The following SLC5A4 variants were observed in gnomAD, a reference collection of about 807,000 sequenced individuals.
The protein encoded by SLC5A4 is solute carrier family 5 member 4, also known as probable glucose sensor protein SLC5A4.
SLC5A4 carries 55 observed loss-of-function variants against 70.3 expected under a neutral mutation model. That is an observed-to-expected ratio of 0.78 (90% CI 0.63 to 0.98). SLC5A4 has a LOEUF of 0.98. Ranked by LOEUF, SLC5A4 falls within the 50% of genes least tolerant of loss-of-function variation. SLC5A4 has a pLI of 0.00. For missense variants in SLC5A4, 735 were observed against 839.2 expected, an observed-to-expected ratio of 0.88 and a Z score of 1.53; for synonymous variants, 268 against 305.7, an observed-to-expected ratio of 0.88 and a Z score of 1.29.
chr22:32,262,779 T>TTTTTA, the SLC5A4 span, among the ~76,000 whole-genome samples: 244 of 144,282 alleles, frequency 1.7e-3, no homozygotes, highest in African/African-American at 6.5e-3. Flanking sequence ...TTTATTTTTA[T>TTTTTA]TTTTTTTTGA....
At chr22:32,256,547 A>C (rs1311646820), upstream of SLC5A4, among the ~76,000 whole-genome samples, 1 of 152,124 alleles carries the variant, frequency 6.6e-6, no homozygotes, top group Non-Finnish European at 1.5e-5. Flanking sequence ...CTCCAAACAG[A>C]AGTATGTACC....
At chr22:32,312,358 C>G in the SLC5A4 span, among the ~76,000 whole-genome samples, 1 of 91,208 alleles carries the variant, frequency 1.1e-5, no homozygotes, top group Non-Finnish European at 2.2e-5. Context: ...AAATCACACG[C>G]GCGCGCGCAC....
In SLC5A4 at chr22:32,220,945, T is replaced by C. The variant is rs760462524; in HGVS notation, c.1743A>G (p.Glu581=). ...IDIDAEEKSQ[E]ETDDGVEEDY... is the part of the protein sequence containing the mutation. ...CTTCTTCAACACCATCATCTGTTTC[T>C]TCCTGACTTTTCTCTTCTGCATCTA... Residue 581 remains glutamate (E), a synonymous_variant, in exon 14 of 15, where the codon GAA becomes GAG. Coordinates refer to ENST00000266086, the MANE Select transcript of SLC5A4 (RefSeq NM_014227.3). 2.4e-5 allele frequency: 38 copies of C among 1,613,310 alleles called. No individual in the cohort carries two copies. In the Middle Eastern group the frequency reaches 4.9e-4, roughly 21 times the overall value.
At chr22:32,314,852 T>G in the SLC5A4 span, among the ~76,000 whole-genome samples, 1 of 151,966 alleles carries the variant, frequency 6.6e-6, no homozygotes, top group Admixed American at 6.6e-5. Context: ...TGCAGGAAAA[T>G]TCCCATCAGA....
At chr22:32,316,037 T>G in the SLC5A4 span, among the ~76,000 whole-genome samples, 2 of 142,114 alleles carry the variant, frequency 1.4e-5, no homozygotes, top group East Asian at 4.1e-4. Flanking sequence ...GGCATGGTGG[T>G]GGGTGCATGC....
Position 32,251,805 on chromosome 22 carries a change from C to G in SLC5A4, c.277G>C (p.Ala93Pro), listed in dbSNP as rs748738338. Reference protein sequence around the residue: ...HYVGLAGTGAASGVATVTFEW... With the variant: ...HYVGLAGTGAPSGVATVTFEW... ...AATGTTACGGTGGCGACTCCTGAAG[C>G]TGCTCCTGTCCCAGCCAGCCCCACA... Residue 93 changes from alanine (A) to proline (P), a missense_variant, in exon 3 of 15, where the codon GCT (alanine) becomes CCT (proline). By Grantham distance (27) the Ala-to-Pro change is conservative. Transcript: ENST00000266086. The G allele has an allele frequency of 1.2e-6, 2 of 1,613,872 alleles. No individual in the cohort carries two copies. Among genetic ancestry groups the G allele is most frequent in the South Asian group, 1.1e-5 (1 of 91,074 alleles).
the SLC5A4 span, among the ~76,000 whole-genome samples, chr22:32,290,286 C>T: frequency 4.0e-5 from 6 of 151,872 alleles, no homozygotes; most frequent in African/African-American, 1.2e-4. Context: ...GTGTGATGTT[C>T]CCCTCCCTGT....
the SLC5A4 span, chr22:32,272,343 G>A: frequency 2.4e-6 from 2 of 840,468 alleles, no homozygotes; most frequent in South Asian, 2.8e-5. Flanking sequence ...AAGGCCACCT[G>A]GTGTCGGCCA....
chr22:32,269,041 T>C, the SLC5A4 span, among the ~76,000 whole-genome samples: 6 of 152,188 alleles, frequency 3.9e-5, no homozygotes, highest in South Asian at 1.0e-3. This position sits in a 1 kb window ranked among gnomAD's most constrained non-coding sequence, Gnocchi z 4.1. Flanking sequence ...TGCAGGAGCA[T>C]GCCACCACAC....
chr22:32,326,291 T>A, the SLC5A4 span, among the ~76,000 whole-genome samples: 1 of 145,698 alleles, frequency 6.9e-6, no homozygotes, highest in Non-Finnish European at 1.5e-5. Context: ...TTTTTTGAGA[T>A]GGAGTCTCTG....
At chr22:32,269,342 A>G in the SLC5A4 span, 2 of 325,530 alleles carry the variant, frequency 6.1e-6, no homozygotes, top group Non-Finnish European at 1.2e-5. This position sits in a 1 kb window ranked among gnomAD's most constrained non-coding sequence, Gnocchi z 4.1. Context: ...AAAAATCCGT[A>G]TTTTGATTCC....
chr22:32,271,736 A>G, the SLC5A4 span: 2 of 587,708 alleles, frequency 3.4e-6, no homozygotes, highest in African/African-American at 3.7e-5. Flanking sequence ...TCTGTTCCAC[A>G]ATGTCAACTG....
chr22:32,241,825 G>GTA (rs1326448077), intron 5 of SLC5A4, among the ~76,000 whole-genome samples: 4 of 143,760 alleles, frequency 2.8e-5, no homozygotes, highest in African/African-American at 1.1e-4. Context: ...GTATGTGTGT[G>GTA]TGTATATATA....
chr22:32,354,213 G>A, the SLC5A4 span, among the ~76,000 whole-genome samples: 177 of 96,586 alleles, frequency 1.8e-3, 2 homozygotes, highest in Admixed American at 0.015. Context: ...TACACGGGCA[G>A]TCTGGCCCCC....
intron 5 of SLC5A4, among the ~76,000 whole-genome samples, chr22:32,246,759 C>G (rs1018618252): frequency 6.6e-6 from 1 of 152,064 alleles, no homozygotes; most frequent in Non-Finnish European, 1.5e-5. Context: ...AACTCCTGAC[C>G]TCAAGTGATC....
At chr22:32,227,228 A>G (rs532625956) in intron 11 of SLC5A4, among the ~76,000 whole-genome samples, 1 of 152,274 alleles carries the variant, frequency 6.6e-6, no homozygotes, top group South Asian at 2.1e-4. Flanking sequence ...GGAAAAGAAA[A>G]AGTTATTACT....
At chr22:32,274,963 C>T in the SLC5A4 span, among the ~76,000 whole-genome samples, 1 of 152,216 alleles carries the variant, frequency 6.6e-6, no homozygotes, top group East Asian at 1.9e-4. Flanking sequence ...CCTATTCAAG[C>T]TCTTTCTCTA....
At chr22:32,294,539 G>T in the SLC5A4 span, among the ~76,000 whole-genome samples, 72,439 of 151,374 alleles carry the variant, frequency 0.48, 17,499 homozygotes, top group Admixed American at 0.51. Flanking sequence ...GGCTCTTTGA[G>T]AGCCACACCC....
At chr22:32,324,220 T>C in the SLC5A4 span, among the ~76,000 whole-genome samples, 5 of 151,918 alleles carry the variant, frequency 3.3e-5, no homozygotes, top group South Asian at 1.0e-3. Context: ...CTCATATATA[T>C]ACATATATGT....
Sources: gnomAD v4.1 joint callset for allele counts (sites outside exome capture counted in the v4.1 genomes callset) on GRCh38, gnomAD v4.1.1 for gene constraint, Gnocchi (gnomAD v3.1) non-coding constraint, MANE v1.5 for transcripts, NCBI Gene and HGNC (gene_info 2026-07-23, HGNC 2026-07-21) for gene names.